The following GRIK2 variants were observed in gnomAD, a reference collection of about 807,000 sequenced individuals.
GRIK2 encodes glutamate ionotropic receptor kainate type subunit 2.
GRIK2 carries 32 observed loss-of-function variants against 100.3 expected under a neutral mutation model. The ratio of observed to expected loss-of-function variants is 0.32; its 90% CI spans 0.24 to 0.43. The LOEUF is 0.43. Among genes scored for constraint, GRIK2 ranks in the 20% least tolerant of loss-of-function variants. The pLI is 1.00. For missense variants in GRIK2, 843 were observed against 1,114.9 expected (o/e 0.76, Z 3.47); for synonymous variants, 417 against 389.4 (o/e 1.07, Z -0.83).
intron 4 of GRIK2, among the ~76,000 whole-genome samples, chr6:101,656,132 A>G (rs75413009): frequency 1.3e-5 from 2 of 151,928 alleles, no homozygotes; most frequent in South Asian, 4.2e-4. Context: ...GGGAGACCCC[A>G]TCTCTACTAA....
At chr6:101,995,689 G>A (rs1229293429) in intron 14 of GRIK2, among the ~76,000 whole-genome samples, 1 of 151,724 alleles carries the variant, frequency 6.6e-6, no homozygotes. Flanking sequence ...ATACATATGC[G>A]AGATGTGATG....
intron 2 of GRIK2, among the ~76,000 whole-genome samples, chr6:101,431,970 G>T (rs2579924): frequency 0.54 from 81,530 of 151,938 alleles, 22,350 homozygotes; most frequent in East Asian, 0.87. Flanking sequence ...TTAGAAAGCG[G>T]ACTCTGTATT....
At chr6:101,895,707 T>A (rs1037460345) in intron 12 of GRIK2, among the ~76,000 whole-genome samples, 1 of 151,580 alleles carries the variant, frequency 6.6e-6, no homozygotes, top group Admixed American at 6.6e-5. Context: ...TTGCCAGCTT[T>A]TTACCAAAAA....
chr6:101,665,655 G>A (rs532074459), intron 4 of GRIK2, among the ~76,000 whole-genome samples: 6 of 152,136 alleles, frequency 3.9e-5, no homozygotes, highest in African/African-American at 1.2e-4. Context: ...ATATATAGGA[G>A]CAATACTAGT....
intron 15 of GRIK2, among the ~76,000 whole-genome samples, chr6:102,046,459 C>T (rs1343616556): frequency 2.6e-5 from 4 of 151,912 alleles, no homozygotes; most frequent in Non-Finnish European, 5.9e-5. Context: ...TGAGTGCTCA[C>T]GAGATCTGAT....
At chr6:101,885,061 A>G (rs1786519795) in intron 11 of GRIK2, among the ~76,000 whole-genome samples, 1 of 152,122 alleles carries the variant, frequency 6.6e-6, no homozygotes, top group Non-Finnish European at 1.5e-5. Flanking sequence ...CCGGCTTTCA[A>G]GTGTTTTTAC....
At chr6:101,885,784 A>G (rs1157750148) in intron 11 of GRIK2, among the ~76,000 whole-genome samples, 1 of 152,074 alleles carries the variant, frequency 6.6e-6, no homozygotes, top group East Asian at 1.9e-4. Flanking sequence ...AGGTTTACAG[A>G]TGAATTGTGC....
intron 11 of GRIK2, among the ~76,000 whole-genome samples, chr6:101,879,604 C>G (rs908423805): frequency 1.3e-5 from 2 of 151,822 alleles, no homozygotes; most frequent in African/African-American, 4.8e-5. Flanking sequence ...ACCTAAAGGA[C>G]AGCGACAATT....
At chr6:101,997,240 C>T (rs923813705) in intron 14 of GRIK2, among the ~76,000 whole-genome samples, 2 of 151,858 alleles carry the variant, frequency 1.3e-5, no homozygotes, top group Non-Finnish European at 2.9e-5. Context: ...TATGCAAGGT[C>T]TTTCTTTTTT....
At chr6:101,873,923 G>A (rs1258321445) in intron 11 of GRIK2, among the ~76,000 whole-genome samples, 3 of 152,082 alleles carry the variant, frequency 2.0e-5, no homozygotes, top group African/African-American at 4.8e-5. Context: ...CATATCCTTT[G>A]CCCACTTGTT....
At chr6:101,822,741 A>ATG (rs1782035940) in intron 10 of GRIK2, among the ~76,000 whole-genome samples, 1 of 151,772 alleles carries the variant, frequency 6.6e-6, no homozygotes, top group Admixed American at 6.6e-5. Context: ...TTATATATAT[A>ATG]TTTTTTCTTT....
intron 10 of GRIK2, among the ~76,000 whole-genome samples, chr6:101,843,157 A>C (rs1202089256): frequency 6.6e-6 from 1 of 152,220 alleles, no homozygotes; most frequent in Non-Finnish European, 1.5e-5. Flanking sequence ...AACCTCATTT[A>C]TTACACCAAA....
At chr6:102,061,511 G>A (rs1271345835) in intron 16 of GRIK2, among the ~76,000 whole-genome samples, 1 of 150,392 alleles carries the variant, frequency 6.6e-6, no homozygotes, top group Admixed American at 6.7e-5. Flanking sequence ...ATATGGATTA[G>A]GAGTTTGAAT....
chr6:101,788,213 T>C lies in GRIK2; in HGVS notation c.952-11435T>C, dbSNP rs1051029795. ...ACGAGTGAGATGAATTTCTTTCTTTTTTTTTATTATTATACTTTAAGTTTT... is the reference window on the plus strand; with the variant it reads ...ACGAGTGAGATGAATTTCTTTCTTTCTTTTTATTATTATACTTTAAGTTTT... On this transcript the variant is annotated intron_variant, in intron 7 of 16. Transcript: ENST00000369134. Among the ~76,000 whole-genome samples the C allele has an allele frequency of 4.0e-5, 6 of 151,686 alleles. No individual in the cohort carries two copies. In the South Asian group the frequency reaches 6.3e-4, roughly 16 times the overall value.
chr6:101,930,359 AT>A (rs1388024404), intron 14 of GRIK2, among the ~76,000 whole-genome samples: 17 of 147,388 alleles, frequency 1.2e-4, no homozygotes, highest in African/African-American at 2.6e-4. Flanking sequence ...AAAAAATAAA[AT>A]AAAATAAAAT....
At position 101,535,811 on chromosome 6, in the gene GRIK2, A is replaced by G. The variant is rs185216849; in HGVS notation, c.116-86138A>G. 6.8e-3 allele frequency among the ~76,000 whole-genome samples: 1,026 copies of G among 151,710 alleles called. 13 individuals are homozygous for G. Among genetic ancestry groups the G allele is most frequent in the African/African-American group, 0.023 (955 of 41,452 alleles). On this transcript the variant is annotated intron_variant, in intron 2 of 16. Coordinates refer to ENST00000369134, the MANE Select transcript of GRIK2 (RefSeq NM_021956.5). ...AGACAGAACATCTCGTTGCTGCAAA[A>G]TGCTGCTTTTAATGACAGTAAGCAC...
At chr6:101,711,526 G>A (rs1449435773) in intron 7 of GRIK2, among the ~76,000 whole-genome samples, 1 of 151,748 alleles carries the variant, frequency 6.6e-6, no homozygotes, top group Non-Finnish European at 1.5e-5. Flanking sequence ...TCGTATTAAA[G>A]AGGATGATTG....
intron 14 of GRIK2, among the ~76,000 whole-genome samples, chr6:102,009,627 A>G (rs1229608279): frequency 6.6e-6 from 1 of 152,192 alleles, no homozygotes; most frequent in East Asian, 1.9e-4. Context: ...AAAACTTTAT[A>G]TACAAAAAGT....
intron 16 of GRIK2, chr6:102,065,958 TC>T: frequency 8.1e-7 from 1 of 1,235,300 alleles, no homozygotes; most frequent in Non-Finnish European, 1.1e-6. Context: ...AAACACTGTT[TC>T]CATATACTGG....
Sources: allele counts gnomAD v4.1 joint callset (sites outside exome capture counted in the v4.1 genomes callset), GRCh38; gene constraint gnomAD v4.1.1; transcripts MANE v1.5; gene names NCBI Gene and HGNC (gene_info 2026-07-23, HGNC 2026-07-21).